The following FAM161A variants were observed in gnomAD, a reference collection of about 807,000 sequenced individuals.
FAM161A encodes the protein protein FAM161A.
Under a neutral mutation model 70.9 loss-of-function variants are expected in FAM161A, and 57 were observed. The ratio of observed to expected loss-of-function variants is 0.80; its 90% CI spans 0.65 to 1.00. The LOEUF is 1.00. FAM161A is among the 50% of genes least tolerant of loss of function. The probability of loss-of-function intolerance (pLI) is 0.00; values close to 1 mark genes in which losing one functional copy is unlikely to be tolerated. For missense variants in FAM161A, 880 were observed against 836.0 expected (o/e 1.05, Z -0.65); for synonymous variants, 299 against 295.7 (o/e 1.01, Z -0.12).
chr2:61,806,959 T>A, the FAM161A span, among the ~76,000 whole-genome samples: 1 of 152,180 alleles, frequency 6.6e-6, no homozygotes, highest in South Asian at 2.1e-4. Flanking sequence ...CCCAAAGTGC[T>A]GGGATTACAG....
At chr2:61,814,297 A>G in the FAM161A span, among the ~76,000 whole-genome samples, 1 of 152,100 alleles carries the variant, frequency 6.6e-6, no homozygotes, top group Admixed American at 6.6e-5. Flanking sequence ...TTTGCTTCTT[A>G]TTAGTTTTGT....
the FAM161A span, among the ~76,000 whole-genome samples, chr2:61,815,516 T>C: frequency 2.8e-5 from 4 of 144,648 alleles, no homozygotes; most frequent in African/African-American, 7.6e-5. Flanking sequence ...ATCCTCTGTG[T>C]CCACCCTGAA....
chr2:61,842,916 A>T (rs1417070434), intron 1 of FAM161A, among the ~76,000 whole-genome samples: 1 of 152,186 alleles, frequency 6.6e-6, no homozygotes, highest in East Asian at 1.9e-4. Flanking sequence ...ACAGTGGGGC[A>T]AGACTTTGGG....
chr2:61,800,737 G>T, the FAM161A span, among the ~76,000 whole-genome samples: 1 of 152,228 alleles, frequency 6.6e-6, no homozygotes, highest in African/African-American at 2.4e-5. Flanking sequence ...ATGGCTATTG[G>T]CAAGCAGCTG....
the FAM161A span, among the ~76,000 whole-genome samples, chr2:61,813,982 T>G: frequency 2.0e-5 from 3 of 152,068 alleles, no homozygotes; most frequent in Non-Finnish European, 4.4e-5. Context: ...TAGCAGTGTG[T>G]ATGAGGTGCC....
At chr2:61,813,291 G>C in the FAM161A span, among the ~76,000 whole-genome samples, 4 of 151,484 alleles carry the variant, frequency 2.6e-5, no homozygotes, top group Non-Finnish European at 4.4e-5. Flanking sequence ...TTAAAAATTA[G>C]CCAGCTGTGG....
At chr2:61,845,273 G>A (rs893730336) in intron 1 of FAM161A, among the ~76,000 whole-genome samples, 96 of 152,136 alleles carry the variant, frequency 6.3e-4, no homozygotes, top group African/African-American at 2.1e-3. Flanking sequence ...CAACTGATAC[G>A]GGTCTTTGGA....
chr2:61,842,401 G>T, intron 1 of FAM161A, 41 bp from the exon 2 acceptor site: 1 of 1,278,324 alleles, frequency 7.8e-7, no homozygotes, highest in Non-Finnish European at 1.1e-6. Context: ...GACTGGAGCT[G>T]AAAGACAAAT....
the FAM161A span, among the ~76,000 whole-genome samples, chr2:61,804,475 A>G: frequency 6.6e-6 from 1 of 152,048 alleles, no homozygotes; most frequent in Admixed American, 6.6e-5. Context: ...ACCTGAGGTC[A>G]GGAGTTTGAG....
chr2:61,831,911 T>C (rs1672588268), intron 5 of FAM161A, among the ~76,000 whole-genome samples: 1 of 151,928 alleles, frequency 6.6e-6, no homozygotes, highest in African/African-American at 2.4e-5. Flanking sequence ...AAAAAGGAAC[T>C]TGAAGGAAAC....
chr2:61,839,705 G>A lies in FAM161A; in HGVS notation c.1299C>T (p.Asp433=). The change falls in exon 3 of 7, where the codon GAC becomes GAT. Residue 433 remains aspartate, a synonymous_variant. Transcript: ENST00000404929. ...KVRCPTPDFE[D]LPERYQKHLS... is the part of the protein sequence containing the mutation. The stretch of plus-strand genomic sequence containing the variant: ...GGTGTTTCTGGTATCTCTCAGGAAG[G>A]TCCTCAAAATCAGGAGTTGGGCACC... The A allele has an allele frequency of 6.2e-7, 1 of 1,614,130 alleles. No individual in the cohort carries two copies. Among genetic ancestry groups the A allele is most frequent in the Non-Finnish European group, 8.5e-7 (1 of 1,180,024 alleles).
intron 5 of FAM161A, 151 bp from the exon 6 acceptor site, chr2:61,827,409 G>GACCAT (rs1193394265): frequency 2.9e-6 from 2 of 699,462 alleles, no homozygotes; most frequent in African/African-American, 3.6e-5. Flanking sequence ...AGGAGATCAA[G>GACCAT]ACCATCCTGG....
rs1281590943 is a variant in FAM161A at position 61,825,896 on chromosome 2, C to T, written c.*559G>A. 2 of 453,990 alleles carry T rather than the reference C, an allele frequency of 4.4e-6. No homozygotes were observed. The highest frequency in any genetic ancestry group is 4.0e-5 in the African/African-American group (2 of 49,982). 28.1% of individuals were successfully genotyped at this position (453,990 alleles called of 1,614,324 possible). The stretch of plus-strand genomic sequence containing the variant: ...TCGTGATCCACCCGTCTCGGCCTCC[C>T]AAAATGCTGGGATTACAGGCATGAG... On this transcript the variant is annotated 3_prime_UTR_variant, in exon 7 of 7. Transcript: ENST00000404929.
At chr2:61,806,859 A>AT in the FAM161A span, among the ~76,000 whole-genome samples, 1 of 149,196 alleles carries the variant, frequency 6.7e-6, no homozygotes, top group Non-Finnish European at 1.5e-5. Flanking sequence ...TGCCCAGCTA[A>AT]TTTTTTCTAT....
intron 1 of FAM161A, among the ~76,000 whole-genome samples, chr2:61,852,563 A>G (rs1572901076): frequency 6.6e-6 from 1 of 152,372 alleles, no homozygotes; most frequent in African/African-American, 2.4e-5. Flanking sequence ...AATGGATCCT[A>G]ATACAGAACT....
At chr2:61,831,512 T>C (rs1370980036) in intron 5 of FAM161A, among the ~76,000 whole-genome samples, 1 of 152,214 alleles carries the variant, frequency 6.6e-6, no homozygotes, top group Non-Finnish European at 1.5e-5. Flanking sequence ...CTTGTTTCTA[T>C]CTGACTTTAA....
chr2:61,823,362 C>CATATATATATAT (rs59631970), downstream of FAM161A, among the ~76,000 whole-genome samples: 81 of 120,042 alleles, frequency 6.7e-4, 6 homozygotes, highest in Non-Finnish European at 1.2e-3. Flanking sequence ...AATTTTCCAT[C>CATATATATATAT]ATATATATAT....
chr2:61,834,859 A>G (rs982918254), intron 5 of FAM161A, among the ~76,000 whole-genome samples: 4 of 152,182 alleles, frequency 2.6e-5, no homozygotes, highest in Non-Finnish European at 1.5e-5. Context: ...ACCCAGAAGC[A>G]GTGTAAAGAG....
intron 4 of FAM161A, 32 bp from the exon 5 acceptor site, chr2:61,836,141 A>C (rs559170014): frequency 6.3e-5 from 90 of 1,429,244 alleles, no homozygotes; most frequent in South Asian, 4.7e-4. Context: ...GGAATTTTAA[A>C]AGATCATCTA....
Sources: allele counts gnomAD v4.1 joint callset (sites outside exome capture counted in the v4.1 genomes callset), GRCh38; gene constraint gnomAD v4.1.1; transcripts MANE v1.5; gene names NCBI Gene and HGNC (gene_info 2026-07-23, HGNC 2026-07-21).